Variants in KLF6 observed in about 807,000 individuals in gnomAD.
KLF6 encodes KLF transcription factor 6.
For missense variants in KLF6, 233 were observed against 359.8 expected, an observed-to-expected ratio of 0.65 and a Z score of 2.85; for synonymous variants, 152 against 147.9, an observed-to-expected ratio of 1.03 and a Z score of -0.20.
rs1205689846 is a variant in KLF6 at position 3,778,159 on chromosome 10, A to G, written c.*1380T>C. ...TCACTCTATGTCTTTGTGAAGGAGG[A>G]CCTTAAAGAGATTTTTTTTCTGTAT... On this transcript the variant is annotated 3_prime_UTR_variant, in exon 4 of 4. Coordinates refer to ENST00000497571, the MANE Select transcript of KLF6 (RefSeq NM_001300.6). The G allele has an allele frequency of 1.9e-6, 1 of 521,236 alleles. No homozygotes were observed. Among genetic ancestry groups the G allele is most frequent in the South Asian group, 1.5e-5 (1 of 65,080 alleles). The allele number at this position is 521,236 out of a possible 1,614,324, so 32.3% of individuals were successfully genotyped here.
intron 3 of KLF6, 120 bp downstream of exon 3, chr10:3,779,986 T>C: frequency 7.7e-7 from 1 of 1,290,324 alleles, no homozygotes; most frequent in East Asian, 2.3e-5. Context: ...TGAAAAGAAA[T>C]GTTCACACAT....
In KLF6 at chr10:3,785,006, C is replaced by G. The variant is rs372984409; in HGVS notation, c.9G>C (p.Val3=). The part of the protein sequence containing the change: MD[V]LPMCSIFQEL... ...CCTGGAAGATGCTGCACATGGGGAG[C>G]ACGTCCATGTCGGGCCGGGTTGGAC... The change falls in exon 1 of 4, where the codon GTG becomes GTC. Residue 3 remains valine (V), a synonymous_variant. Transcript: ENST00000497571. 1.2e-5 allele frequency: 19 copies of G among 1,610,138 alleles called. No homozygotes were observed. The highest frequency in any genetic ancestry group is 1.7e-4 in the Middle Eastern group (1 of 5,974).
intron 1 of KLF6, among the ~76,000 whole-genome samples, chr10:3,784,399 G>C (rs1038559464): frequency 6.6e-6 from 1 of 152,096 alleles, no homozygotes; most frequent in African/African-American, 2.4e-5. Context: ...AAATAAGGCA[G>C]ATCTAGGGGA....
In KLF6 at chr10:3,776,058, A is replaced by T. The variant is rs1409153889; in HGVS notation, c.*3481T>A. 3.8e-6 allele frequency: 2 copies of T among 520,146 alleles called. No individual in the cohort carries two copies. The highest frequency in any genetic ancestry group is 7.5e-6 in the Non-Finnish European group (2 of 266,000). 32.2% of individuals were successfully genotyped at this position (520,146 alleles called of 1,614,324 possible). On this transcript the variant is annotated 3_prime_UTR_variant, in exon 4 of 4. Coordinates refer to ENST00000497571, the MANE Select transcript of KLF6 (RefSeq NM_001300.6). ...ACTGAGAGTGGGCTGAGGTTGTGAG[A>T]ACAGCCCTCTGGCCTGGAGTCCCTC...
chr10:3,781,378 G>T lies in KLF6; in HGVS notation c.676+263C>A. ...ACTAAGGGGTGGGGGGTGGAGGTTT[G>T]GGTGTCCGTGGAGAAAAGGATCTAG... On this transcript the variant is annotated intron_variant, in intron 2 of 3. Transcript: ENST00000497571. The surrounding 1 kb of genome is among the most constrained non-coding windows in gnomAD (Gnocchi z 5.8). 1 of 1,451,604 alleles carries T rather than the reference G, an allele frequency of 6.9e-7. No homozygotes were observed. Among genetic ancestry groups the T allele is most frequent in the Non-Finnish European group, 9.1e-7 (1 of 1,099,854 alleles). 89.9% of individuals were successfully genotyped at this position (1,451,604 alleles called of 1,614,324 possible). A position where few individuals can be genotyped will look rare whatever the true frequency, so the allele number is the denominator to read the frequency against.
In KLF6 at chr10:3,781,533, G is replaced by C. The variant is rs571850598; in HGVS notation, c.676+108C>G. On this transcript the variant is annotated intron_variant, in intron 2 of 3. Coordinates refer to ENST00000497571, the MANE Select transcript of KLF6 (RefSeq NM_001300.6). This position sits in a 1 kb window ranked among gnomAD's most constrained non-coding sequence, Gnocchi z 5.8. ...AAAACATCTGAGGAAGTGAGGATTT[G>C]TCTGCCCTGACCACATCCTGTGCAG... 1.3e-6 allele frequency: 2 copies of C among 1,559,378 alleles called. No individual in the cohort carries two copies. Among genetic ancestry groups the C allele is most frequent in the East Asian group, 4.8e-5 (2 of 41,290 alleles).
At position 3,778,981 on chromosome 10, in the gene KLF6, G is replaced by A; in HGVS notation, c.*558C>T. 1.9e-6 allele frequency: 1 copy of A among 534,532 alleles called. No individual in the cohort carries two copies. Among genetic ancestry groups the A allele is most frequent in the Non-Finnish European group, 3.6e-6 (1 of 276,492 alleles). 33.1% of individuals were successfully genotyped at this position (534,532 alleles called of 1,614,324 possible). On this transcript the variant is annotated 3_prime_UTR_variant, in exon 4 of 4. Coordinates refer to ENST00000497571, the MANE Select transcript of KLF6 (RefSeq NM_001300.6). Reference sequence around the variant, plus strand: ...TCCCCACACCACTCGCCACTCTGGGGTCCTGAGTTCCCACGCCCACCCTCC... The same window carrying A: ...TCCCCACACCACTCGCCACTCTGGGATCCTGAGTTCCCACGCCCACCCTCC...
At position 3,776,208 on chromosome 10, in the gene KLF6, C is replaced by T. The variant is rs1832369253; in HGVS notation, c.*3331G>A. On this transcript the variant is annotated 3_prime_UTR_variant, in exon 4 of 4. Transcript: ENST00000497571. ...TGGAGGCACAGAAGTGGCAGGGAAACACTCAAGTTTGTCGTTGTGCAGGTG... is the reference window on the plus strand; with the variant it reads ...TGGAGGCACAGAAGTGGCAGGGAAATACTCAAGTTTGTCGTTGTGCAGGTG... The T allele has an allele frequency of 5.6e-6, 3 of 532,360 alleles. No homozygotes were observed. The highest frequency in any genetic ancestry group is 4.6e-5 in the South Asian group (3 of 65,148). The allele number at this position is 532,360 out of a possible 1,614,324, so 33.0% of individuals were successfully genotyped here.
At position 3,776,610 on chromosome 10, in the gene KLF6, A is replaced by T; in HGVS notation, c.*2929T>A. On this transcript the variant is annotated 3_prime_UTR_variant, in exon 4 of 4. Transcript: ENST00000497571. ...AAAAAATACATTCATACAGAAATAT[A>T]ACAATCTTGCAAAAAACAATTTCAA... is the stretch of plus-strand genomic sequence containing the variant. 1 of 501,944 alleles carries T rather than the reference A, an allele frequency of 2.0e-6. No individual in the cohort carries two copies. Among genetic ancestry groups the T allele is most frequent in the South Asian group, 1.7e-5 (1 of 59,670 alleles). 31.1% of individuals were successfully genotyped at this position (501,944 alleles called of 1,614,324 possible).
rs1240547994 is a variant in KLF6, at chr10:3,776,122, G to A, written c.*3417C>T. 5 of 530,112 alleles carry A rather than the reference G, an allele frequency of 9.4e-6. No individual in the cohort carries two copies. In the East Asian group the frequency reaches 2.0e-4, roughly 21 times the overall value. The allele number at this position is 530,112 out of a possible 1,614,324, so 32.8% of individuals were successfully genotyped here. ...CCTCCCAGACATGCCTCAGCCAGGT[G>A]TGTGGCAGGGCTGGCTGGGGAAGGT... On this transcript the variant is annotated 3_prime_UTR_variant, in exon 4 of 4. Coordinates refer to ENST00000497571, the MANE Select transcript of KLF6 (RefSeq NM_001300.6).
rs112407993 is a variant in KLF6, at chr10:3,777,922, G to T, written c.*1617C>A. 49,770 of 492,176 alleles carry T rather than the reference G, an allele frequency of 0.1. 3,063 individuals carry two copies. Among genetic ancestry groups the T allele is most frequent in the Non-Finnish European group, 0.13 (32,346 of 250,374 alleles). The allele number at this position is 492,176 out of a possible 1,614,324, so 30.5% of individuals were successfully genotyped here. ...TTAAGCAAATACATTAACATTGGGG[G>T]TTTTTTAATACTTCTGTATCTTTAA... On this transcript the variant is annotated 3_prime_UTR_variant, in exon 4 of 4. Coordinates refer to ENST00000497571, the MANE Select transcript of KLF6 (RefSeq NM_001300.6).
chr10:3,779,089 C>A lies in KLF6; in HGVS notation c.*450G>T, dbSNP rs778379798. The stretch of plus-strand genomic sequence containing the variant: ...TTCTAAGGTGCAGACACCCCCTCCC[C>A]CCAAGGAAATGATTGGTGGTCATCT... On this transcript the variant is annotated 3_prime_UTR_variant, in exon 4 of 4. Coordinates refer to ENST00000497571, the MANE Select transcript of KLF6 (RefSeq NM_001300.6). 104 of 536,042 alleles carry A rather than the reference C, an allele frequency of 1.9e-4. No homozygotes were observed. The highest frequency in any genetic ancestry group is 3.4e-4 in the Non-Finnish European group (94 of 277,410). 33.2% of individuals were successfully genotyped at this position (536,042 alleles called of 1,614,324 possible).
Position 3,779,294 on chromosome 10 carries a change from G to C in KLF6, c.*245C>G, listed in dbSNP as rs1272345548. The C allele has an allele frequency of 7.7e-6, 5 of 652,166 alleles. No individual in the cohort carries two copies. In the African/African-American group the frequency reaches 8.9e-5, roughly 12 times the overall value. The allele number at this position is 652,166 out of a possible 1,614,324, so 40.4% of individuals were successfully genotyped here. A position where few individuals can be genotyped will look rare whatever the true frequency, so the allele number is the denominator to read the frequency against. ...TGTGCATGCTCACGGCAAAGGCTTA[G>C]GCGCCGCTCGGAAGGGCGGGTACCA... On this transcript the variant is annotated 3_prime_UTR_variant, in exon 4 of 4. Coordinates refer to ENST00000497571, the MANE Select transcript of KLF6 (RefSeq NM_001300.6).
chr10:3,778,728 C>T lies in KLF6; in HGVS notation c.*811G>A. 1.9e-6 allele frequency: 1 copy of T among 529,228 alleles called. No individual in the cohort carries two copies. Among genetic ancestry groups the T allele is most frequent in the South Asian group, 1.5e-5 (1 of 65,098 alleles). The allele number at this position is 529,228 out of a possible 1,614,324, so 32.8% of individuals were successfully genotyped here. ...ACTGGAATCAGTATTGCAGTCCTGA[C>T]TTAAAAATGGAAAAGCATATAGTTC... On this transcript the variant is annotated 3_prime_UTR_variant, in exon 4 of 4. Coordinates refer to ENST00000497571, the MANE Select transcript of KLF6 (RefSeq NM_001300.6).
Position 3,776,990 on chromosome 10 carries a change from C to T in KLF6, c.*2549G>A, listed in dbSNP as rs1217573602. ...GCTTAATGGAATTGTTATGGCTAAG[C>T]ACATAGAAGGCCAAAAAAGGAGTTT... is the stretch of plus-strand genomic sequence containing the variant. On this transcript the variant is annotated 3_prime_UTR_variant, in exon 4 of 4. Transcript: ENST00000497571. The T allele has an allele frequency of 1.9e-6, 1 of 514,814 alleles. No individual in the cohort carries two copies. Among genetic ancestry groups the T allele is most frequent in the East Asian group, 4.2e-5 (1 of 23,798 alleles). 31.9% of individuals were successfully genotyped at this position (514,814 alleles called of 1,614,324 possible). A position where few individuals can be genotyped will look rare whatever the true frequency, so the allele number is the denominator to read the frequency against.
Position 3,782,048 on chromosome 10 carries a change from A to G in KLF6, c.269T>C (p.Leu90Pro), listed in dbSNP as rs1203137980. Residue 90 changes from leucine (L) to proline (P), a missense_variant, in exon 2 of 4, where the codon CTC becomes CCC. Leu to Pro is a moderately conservative substitution (Grantham distance 98). Coordinates refer to ENST00000497571, the MANE Select transcript of KLF6 (RefSeq NM_001300.6). The surrounding 1 kb of genome is among the most constrained non-coding windows in gnomAD (Gnocchi z 4.3). The stretch of plus-strand genomic sequence containing the variant: ...GTTGTAACAAAAGCTCGGGCTGATG[A>G]GAGTGTCCTCTGGAGGACTGGAAGA... Reference protein sequence around the residue: ...KISSSPPEDTLISPSFCYNLE... With the variant: ...KISSSPPEDTPISPSFCYNLE... 4.3e-6 allele frequency: 7 copies of G among 1,614,082 alleles called. No individual in the cohort carries two copies. Among genetic ancestry groups the G allele is most frequent in the East Asian group, 2.2e-5 (1 of 44,894 alleles).
chr10:3,779,410 G>C lies in KLF6; in HGVS notation c.*129C>G. 2 of 800,364 alleles carry C rather than the reference G, an allele frequency of 2.5e-6. No individual in the cohort carries two copies. The highest frequency in any genetic ancestry group is 3.0e-4 in the Middle Eastern group (1 of 3,286). 49.6% of individuals were successfully genotyped at this position (800,364 alleles called of 1,614,324 possible). A position where few individuals can be genotyped will look rare whatever the true frequency, so the allele number is the denominator to read the frequency against. On this transcript the variant is annotated 3_prime_UTR_variant, in exon 4 of 4. Transcript: ENST00000497571. The stretch of plus-strand genomic sequence containing the variant: ...TTTTAGCCCTCAAAAGACCTTCCAA[G>C]GAGAGGCCCTGGAGGCAACTGGGTA...
chr10:3,782,132 T>C lies in KLF6; in HGVS notation c.185A>G (p.Asp62Gly), dbSNP rs748060230. The part of the protein sequence containing the change: ...ASEIKFDSQE[D>G]LWTKIILARE... ...AGCCAGAATGATTTTGGTCCACAGA[T>C]CTTCCTGGCTGTCAAATTTGATTTC... Residue 62 changes from aspartate to glycine, a missense_variant, in exon 2 of 4, where the codon GAT becomes GGT. Transcript: ENST00000497571. This position sits in a 1 kb window ranked among gnomAD's most constrained non-coding sequence, Gnocchi z 4.3. 8 of 1,614,008 alleles carry C rather than the reference T, an allele frequency of 5.0e-6. No homozygotes were observed. The highest frequency in any genetic ancestry group is 5.9e-6 in the Non-Finnish European group (7 of 1,180,018).
At position 3,779,443 on chromosome 10, in the gene KLF6, G is replaced by T; in HGVS notation, c.*96C>A. ...CCTGGAGGCAACTGGGTAGGGTGCA[G>T]AACGGCATGCTTTGGCTGGAACACG... On this transcript the variant is annotated 3_prime_UTR_variant, in exon 4 of 4. Coordinates refer to ENST00000497571, the MANE Select transcript of KLF6 (RefSeq NM_001300.6). The T allele has an allele frequency of 1.8e-6, 2 of 1,096,540 alleles. No homozygotes were observed. Among genetic ancestry groups the T allele is most frequent in the Non-Finnish European group, 2.8e-6 (2 of 715,276 alleles). The allele number at this position is 1,096,540 out of a possible 1,614,324, so 67.9% of individuals were successfully genotyped here. A position where few individuals can be genotyped will look rare whatever the true frequency, so the allele number is the denominator to read the frequency against.
Sources: gnomAD v4.1 joint callset for allele counts (sites outside exome capture counted in the v4.1 genomes callset) on GRCh38, gnomAD v4.1.1 for gene constraint, Gnocchi (gnomAD v3.1) non-coding constraint, MANE v1.5 for transcripts, NCBI Gene and HGNC (gene_info 2026-07-23, HGNC 2026-07-21) for gene names.